Variants in SHISA9 observed in about 807,000 individuals in gnomAD.
SHISA9 encodes shisa family member 9.
SHISA9 carries 13 observed loss-of-function variants against 38.0 expected under a neutral mutation model. The ratio of observed to expected loss-of-function variants is 0.34; its 90% confidence interval spans 0.22 to 0.54. SHISA9 has a LOEUF of 0.54. Among genes scored for constraint, SHISA9 ranks in the 20% least tolerant of loss-of-function variants. SHISA9 has a pLI of 0.91. For synonymous variants in SHISA9, 275 were observed against 242.0 expected, an observed-to-expected ratio of 1.14 and a Z score of -1.27; for missense variants, 538 against 575.8, an observed-to-expected ratio of 0.93 and a Z score of 0.67.
At chr16:13,382,153 G>A in the SHISA9 span, among the ~76,000 whole-genome samples, 5 of 152,238 alleles carry the variant, frequency 3.3e-5, no homozygotes, top group East Asian at 1.9e-4. Context: ...GTCAAAATAC[G>A]CTTTCATTTA....
At chr16:13,357,137 C>T in the SHISA9 span, among the ~76,000 whole-genome samples, 31 of 149,698 alleles carry the variant, frequency 2.1e-4, no homozygotes, top group East Asian at 6.2e-4. Context: ...GGTTGGGGCA[C>T]GGAAATAAGG....
the SHISA9 span, among the ~76,000 whole-genome samples, chr16:13,486,993 C>T: frequency 1.1e-4 from 16 of 152,328 alleles, no homozygotes; most frequent in South Asian, 2.1e-4. Context: ...CGTGAGCCAC[C>T]GCACTCAGCC....
At chr16:13,421,236 A>G in the SHISA9 span, among the ~76,000 whole-genome samples, 1 of 152,190 alleles carries the variant, frequency 6.6e-6, no homozygotes, top group Non-Finnish European at 1.5e-5. Flanking sequence ...TGCATTCCAT[A>G]TAATTCCAAT....
the SHISA9 span, among the ~76,000 whole-genome samples, chr16:13,362,375 C>A: frequency 6.6e-6 from 1 of 152,098 alleles, no homozygotes; most frequent in Non-Finnish European, 1.5e-5. Flanking sequence ...CTGCAGTGAG[C>A]AGTGATTGTG....
intron 2 of SHISA9, among the ~76,000 whole-genome samples, chr16:13,148,314 A>T (rs116559372): frequency 0.026 from 3,950 of 152,122 alleles, 162 homozygotes; most frequent in African/African-American, 0.089. Context: ...AGCAGATGCA[A>T]TGCCTTGGGT....
the SHISA9 span, among the ~76,000 whole-genome samples, chr16:13,337,562 A>C: frequency 6.6e-6 from 1 of 152,178 alleles, no homozygotes; most frequent in South Asian, 2.1e-4. Flanking sequence ...TTGCCAGATA[A>C]TGGGCTTTTC....
chr16:13,252,293 C>T, the SHISA9 span, among the ~76,000 whole-genome samples: 7 of 152,154 alleles, frequency 4.6e-5, no homozygotes, highest in South Asian at 2.1e-4. Flanking sequence ...GGGACAATGT[C>T]GTATCCCTCC....
At chr16:13,156,071 G>T (rs2050544250) in intron 2 of SHISA9, among the ~76,000 whole-genome samples, 1 of 152,198 alleles carries the variant, frequency 6.6e-6, no homozygotes, top group Admixed American at 6.5e-5. Context: ...ATGGTATTTT[G>T]AAGGGACTTC....
chr16:13,444,909 C>T, the SHISA9 span, among the ~76,000 whole-genome samples: 2 of 149,510 alleles, frequency 1.3e-5, no homozygotes, highest in Admixed American at 6.7e-5. Context: ...CCTCTGCCCC[C>T]CTGGGCTCAA....
chr16:13,198,128 T>C (rs2050966359), intron 2 of SHISA9, among the ~76,000 whole-genome samples: 2 of 152,008 alleles, frequency 1.3e-5, no homozygotes, highest in South Asian at 4.2e-4. Context: ...GAGGTCACAG[T>C]GAGCTGACAC....
At chr16:13,070,123 CGTGTGTGTGTGTGTGT>C (rs55824636) in intron 2 of SHISA9, among the ~76,000 whole-genome samples, 1 of 145,720 alleles carries the variant, frequency 6.9e-6, no homozygotes, top group South Asian at 2.2e-4. Context: ...CTTTAAAGTA[CGTGTGTGTGTGTGTGT>C]GTGTGTGTGT....
the SHISA9 span, among the ~76,000 whole-genome samples, chr16:13,434,785 G>A: frequency 6.6e-6 from 1 of 152,106 alleles, no homozygotes; most frequent in Non-Finnish European, 1.5e-5. Context: ...ATAAATGAAC[G>A]AATAAATGAA....
At chr16:13,407,797 TGAGAA>T in the SHISA9 span, among the ~76,000 whole-genome samples, 3 of 152,306 alleles carry the variant, frequency 2.0e-5, no homozygotes, top group East Asian at 3.9e-4. Context: ...AAAAGAAACT[TGAGAA>T]GAGGAAGCAC....
intron 2 of SHISA9, among the ~76,000 whole-genome samples, chr16:12,967,707 A>G (rs914634656): frequency 6.6e-6 from 1 of 152,096 alleles, no homozygotes. Flanking sequence ...GAAGATGCCT[A>G]TGAGCTCCAA....
chr16:13,132,793 G>C (rs1402103268), intron 2 of SHISA9, among the ~76,000 whole-genome samples: 1 of 152,186 alleles, frequency 6.6e-6, no homozygotes, highest in Non-Finnish European at 1.5e-5. Context: ...TGAATTGAAG[G>C]TCTTTGGAGA....
chr16:13,380,859 C>G, the SHISA9 span, among the ~76,000 whole-genome samples: 1 of 109,170 alleles, frequency 9.2e-6, no homozygotes, highest in South Asian at 3.3e-4. Context: ...GTGTGATGTT[C>G]CCCTCCCTGT....
intron 2 of SHISA9, among the ~76,000 whole-genome samples, chr16:12,964,381 T>C (rs902547503): frequency 4.8e-5 from 7 of 144,968 alleles, no homozygotes; most frequent in African/African-American, 1.5e-4. Context: ...CATTGGACTT[T>C]CTGTTTTTTT....
At chr16:13,104,251 G>T (rs999407758) in intron 2 of SHISA9, among the ~76,000 whole-genome samples, 1 of 152,096 alleles carries the variant, frequency 6.6e-6, no homozygotes, top group Non-Finnish European at 1.5e-5. Context: ...GCTTGGGTGG[G>T]AATGTAAAAT....
At chr16:13,294,755 G>C in the SHISA9 span, among the ~76,000 whole-genome samples, 1 of 152,176 alleles carries the variant, frequency 6.6e-6, no homozygotes, top group Non-Finnish European at 1.5e-5. Context: ...AATACTTACA[G>C]AGTTCAGGCA....
Sources: allele counts gnomAD v4.1 joint callset (sites outside exome capture counted in the v4.1 genomes callset), GRCh38; gene constraint gnomAD v4.1.1; transcripts MANE v1.5; gene names NCBI Gene and HGNC (gene_info 2026-07-23, HGNC 2026-07-21).